SLC47A1: variants seen among roughly 807,000 people sequenced by gnomAD.
SLC47A1 encodes multidrug and toxin extrusion protein 1.
Under a neutral mutation model 65.8 loss-of-function variants are expected in SLC47A1, and 58 were observed. The observed-to-expected ratio is 0.88, with a 90% confidence interval of 0.71 to 1.10. The LOEUF (loss-of-function observed/expected upper bound fraction) is 1.10. Among genes scored for constraint, SLC47A1 ranks in the 50% least tolerant of loss-of-function variants. The pLI is 0.00. For synonymous variants in SLC47A1, 285 were observed against 295.0 expected, an observed-to-expected ratio of 0.97 and a Z score of 0.35; for missense variants, 706 against 719.2, an observed-to-expected ratio of 0.98 and a Z score of 0.21.
chr17:19,563,845 C>A (rs570484123), intron 12 of SLC47A1, among the ~76,000 whole-genome samples: 1 of 151,784 alleles, frequency 6.6e-6, no homozygotes, highest in Admixed American at 6.6e-5. Flanking sequence ...AAAAATTAGC[C>A]GGGCGTGGTG....
At position 19,544,067 on chromosome 17, in the gene SLC47A1, A is replaced by G. The variant is rs1597495221; in HGVS notation, c.237+1573A>G. ...ACCTCCCGGGTTCAAATGATTCTCC[A>G]GCCTCAGCCTGGGATTACAGGCACA... On this transcript the variant is annotated intron_variant, in intron 2 of 16. Transcript: ENST00000270570. Among the ~76,000 whole-genome samples the G allele has an allele frequency of 2.6e-5, 4 of 152,272 alleles. No homozygotes were observed. The South Asian group carries it at 6.2e-4, about 24-fold the overall frequency.
chr17:19,565,474 T>C (rs2084348346), intron 12 of SLC47A1, among the ~76,000 whole-genome samples: 1 of 152,106 alleles, frequency 6.6e-6, no homozygotes, highest in African/African-American at 2.4e-5. Flanking sequence ...CCAAATCCCT[T>C]GATTTGTCTA....
At chr17:19,549,764 C>A in intron 5 of SLC47A1, 87 bp downstream of exon 5, 5 of 1,402,486 alleles carry the variant, frequency 3.6e-6, no homozygotes, top group Non-Finnish European at 5.1e-6. Context: ...TGTATTGGCT[C>A]AGTCTTAGAT....
At chr17:19,569,262 C>T (rs1449996716) in intron 14 of SLC47A1, among the ~76,000 whole-genome samples, 1 of 151,808 alleles carries the variant, frequency 6.6e-6, no homozygotes, top group Non-Finnish European at 1.5e-5. Context: ...GTTCCAGCTA[C>T]TTGGGAGGCT....
intron 6 of SLC47A1, 69 bp downstream of exon 6, chr17:19,551,537 T>C (rs891803782): frequency 7.1e-7 from 1 of 1,406,178 alleles, no homozygotes; most frequent in African/African-American, 1.4e-5. Context: ...ATGGGGGCCC[T>C]GAAGATACTC....
intron 1 of SLC47A1, 149 bp from the exon 2 acceptor site, chr17:19,542,244 A>G (rs1018285369): frequency 2.1e-5 from 10 of 471,334 alleles, no homozygotes; most frequent in Non-Finnish European, 3.4e-5. Flanking sequence ...CAGAAATTGT[A>G]CATTTGCCTG....
chr17:19,543,000 C>T (rs1916189902), intron 2 of SLC47A1, among the ~76,000 whole-genome samples: 1 of 151,832 alleles, frequency 6.6e-6, no homozygotes, highest in Non-Finnish European at 1.5e-5. Flanking sequence ...CCATGTTGCC[C>T]AGGCTGGTCT....
intron 12 of SLC47A1, among the ~76,000 whole-genome samples, chr17:19,561,392 C>T (rs886972353): frequency 1.3e-5 from 2 of 151,880 alleles, no homozygotes; most frequent in African/African-American, 4.8e-5. Context: ...ACCTGTAATC[C>T]CAGCACTTTG....
chr17:19,542,374 C>A lies in SLC47A1; in HGVS notation c.136-19C>A. ...AATGGTGGTCACTCACGTCCCTTCC[C>A]GTTCCCCTCTCTTCCCAGTTCTTGG... On this transcript the variant is annotated intron_variant, in intron 1 of 16. Coordinates refer to ENST00000270570, the MANE Select transcript of SLC47A1 (RefSeq NM_018242.3). The A allele has an allele frequency of 1.3e-6, 2 of 1,582,374 alleles. No homozygotes were observed. Among genetic ancestry groups the A allele is most frequent in the Non-Finnish European group, 1.7e-6 (2 of 1,162,870 alleles).
At chr17:19,540,990 G>A (rs566764922) in intron 1 of SLC47A1, among the ~76,000 whole-genome samples, 8 of 152,236 alleles carry the variant, frequency 5.3e-5, no homozygotes, top group Middle Eastern at 3.4e-3. Flanking sequence ...GGAGATCATC[G>A]GAACCATTAT....
At chr17:19,566,450 C>T (rs1239029018) in intron 12 of SLC47A1, among the ~76,000 whole-genome samples, 1 of 151,814 alleles carries the variant, frequency 6.6e-6, no homozygotes, top group African/African-American at 2.4e-5. Context: ...TTTTTTAAGA[C>T]AGTCTCGCTC....
chr17:19,567,101 G>T lies in SLC47A1; in HGVS notation c.1182G>T (p.Thr394=). ...GGAATGCTCTCTGCCTGCAGTGCACGAGTGGTGGTGTTCTGAGGGGGAGTG... is the reference window on the plus strand; with the variant it reads ...GGAATGCTCTCTGCCTGCAGTGCACTAGTGGTGGTGTTCTGAGGGGGAGTG... ...VSHLFEALAC[T]SGGVLRGSGN... is the part of the protein sequence containing the mutation. The change falls in exon 14 of 17, where the codon ACG becomes ACT. Residue 394 remains threonine, a synonymous_variant. Transcript: ENST00000270570. 6.2e-7 allele frequency: 1 copy of T among 1,614,210 alleles called. No homozygotes were observed. The highest frequency in any genetic ancestry group is 8.5e-7 in the Non-Finnish European group (1 of 1,180,032).
At chr17:19,535,436 AAAAAC>A (rs142179467) in intron 1 of SLC47A1, 54,324 of 149,678 alleles carry the variant, frequency 0.36, 10,306 homozygotes, top group Middle Eastern at 0.4. Flanking sequence ...CTTGGTCTCA[AAAAAC>A]AAAACAAAAC....
intron 1 of SLC47A1, among the ~76,000 whole-genome samples, chr17:19,541,478 T>C (rs985744052): frequency 2.6e-5 from 4 of 152,210 alleles, no homozygotes; most frequent in African/African-American, 7.2e-5. Context: ...GTGAAAGCAC[T>C]GTGGAGCAAT....
At chr17:19,566,750 C>A in intron 12 of SLC47A1, 40 bp from the exon 13 acceptor site, 1 of 1,595,892 alleles carries the variant, frequency 6.3e-7, no homozygotes, top group Non-Finnish European at 8.6e-7. Context: ...TCTTTCTCCA[C>A]TTTGTCTCCT....
chr17:19,535,193 G>A (rs1253551183), intron 1 of SLC47A1: 1 of 152,354 alleles, frequency 6.6e-6, no homozygotes, highest in Non-Finnish European at 1.5e-5. Flanking sequence ...CCAGCACTTT[G>A]GGAGGCTGAG....
chr17:19,539,601 C>T (rs1046820435), intron 1 of SLC47A1, among the ~76,000 whole-genome samples: 1 of 152,126 alleles, frequency 6.6e-6, no homozygotes, highest in African/African-American at 2.4e-5. Context: ...TCTCCTGCCT[C>T]AGCCTCCCGA....
rs74814768 is a variant in SLC47A1, at chr17:19,537,659, G to C, written c.135+3585G>C. Among the ~76,000 whole-genome samples the C allele has an allele frequency of 3.9e-3, 596 of 152,272 alleles. 37 individuals carry two copies. The East Asian group carries it at 0.096, about 25-fold the overall frequency. On this transcript the variant is annotated intron_variant, in intron 1 of 16. Coordinates refer to ENST00000270570, the MANE Select transcript of SLC47A1 (RefSeq NM_018242.3). Reference sequence around the variant, plus strand: ...ACCTCTCAGAGGGATCCACTTTTTCGTATCTCCGCTCTCATGCTCCAAATG... The same window carrying C: ...ACCTCTCAGAGGGATCCACTTTTTCCTATCTCCGCTCTCATGCTCCAAATG...
intron 16 of SLC47A1, among the ~76,000 whole-genome samples, chr17:19,575,238 A>G (rs554444232): frequency 6.6e-6 from 1 of 152,034 alleles, no homozygotes; most frequent in Non-Finnish European, 1.5e-5. Flanking sequence ...ACCCGGCCCA[A>G]AATGATTTTC....
Sources: gnomAD v4.1 joint callset for allele counts (sites outside exome capture counted in the v4.1 genomes callset) on GRCh38, gnomAD v4.1.1 for gene constraint, MANE v1.5 for transcripts, NCBI Gene and HGNC (gene_info 2026-07-23, HGNC 2026-07-21) for gene names.